The following ATG7 variants were observed in gnomAD, a reference collection of about 807,000 sequenced individuals.
ATG7 encodes ubiquitin-like modifier-activating enzyme ATG7.
ATG7 carries 70 observed loss-of-function variants against 82.4 expected under a neutral mutation model. The ratio of observed to expected loss-of-function variants is 0.85; its 90% CI spans 0.70 to 1.04. The LOEUF is 1.04. Among genes scored for constraint, ATG7 ranks in the 50% least tolerant of loss-of-function variants. The probability of loss-of-function intolerance (pLI) is 0.00; values close to 1 mark genes in which losing one functional copy is unlikely to be tolerated. For synonymous variants in ATG7, 287 were observed against 313.0 expected (o/e 0.92, Z 0.88); for missense variants, 792 against 864.3 (o/e 0.92, Z 1.05).
intron 3 of ATG7, among the ~76,000 whole-genome samples, chr3:11,289,232 A>C (rs1944560806): frequency 6.6e-6 from 1 of 152,274 alleles, no homozygotes; most frequent in East Asian, 1.9e-4. Flanking sequence ...CTTTTTCAGG[A>C]AGTAGGTAAT....
intron 19 of ATG7, among the ~76,000 whole-genome samples, chr3:11,398,496 G>A (rs900292878): frequency 6.6e-6 from 1 of 152,076 alleles, no homozygotes; most frequent in Non-Finnish European, 1.5e-5. Flanking sequence ...ATGACATAAT[G>A]GAAATTAAGA....
chr3:11,365,534 T>C (rs2076543437), intron 18 of ATG7, among the ~76,000 whole-genome samples: 1 of 152,166 alleles, frequency 6.6e-6, no homozygotes, highest in Non-Finnish European at 1.5e-5. Flanking sequence ...ATTCCATGTA[T>C]GTATCCTCTC....
At chr3:11,284,866 A>G (rs1472618946) in intron 3 of ATG7, among the ~76,000 whole-genome samples, 1 of 118,430 alleles carries the variant, frequency 8.4e-6, no homozygotes, top group Admixed American at 8.9e-5. Flanking sequence ...TTTTTTTTTG[A>G]GACGGAGTCT....
rs917676632 is a variant in ATG7 at position 11,557,102 on chromosome 3, G to C, written c.*2259G>C. On this transcript the variant is annotated 3_prime_UTR_variant, in exon 21 of 21. Transcript: ENST00000693202. ...TGCCATCGTCGTGAGCCTCTGGTGG[G>C]CCAGGTGGGACACAGCACACCCCAG... 2 of 152,530 alleles carry C rather than the reference G, an allele frequency of 1.3e-5. No homozygotes were observed. Among genetic ancestry groups the C allele is most frequent in the Non-Finnish European group, 2.9e-5 (2 of 68,068 alleles). The allele number at this position is 152,530 out of a possible 1,614,324, so 9.4% of individuals were successfully genotyped here.
chr3:11,419,579 A>G (rs1396176613), intron 19 of ATG7, among the ~76,000 whole-genome samples: 1 of 152,068 alleles, frequency 6.6e-6, no homozygotes, highest in Non-Finnish European at 1.5e-5. Flanking sequence ...AAAACACACT[A>G]CAAACCCATT....
chr3:11,365,274 A>AGAAAT (rs2076525839), intron 18 of ATG7, among the ~76,000 whole-genome samples: 1 of 152,196 alleles, frequency 6.6e-6, no homozygotes, highest in Non-Finnish European at 1.5e-5. Context: ...CTCTGAACCC[A>AGAAAT]AATAGAAAAC....
At chr3:11,509,337 C>T (rs2091923055) in intron 20 of ATG7, among the ~76,000 whole-genome samples, 1 of 151,942 alleles carries the variant, frequency 6.6e-6, no homozygotes, top group African/African-American at 2.4e-5. Flanking sequence ...CATGCATGCA[C>T]ATTTGTCTAC....
intron 20 of ATG7, among the ~76,000 whole-genome samples, chr3:11,428,569 T>C (rs187178505): frequency 3.9e-5 from 6 of 152,342 alleles, no homozygotes; most frequent in Admixed American, 2.6e-4. Flanking sequence ...TTTCAGGAGA[T>C]GAATGGCATC....
At chr3:11,435,884 A>G (rs1179483918) in intron 20 of ATG7, among the ~76,000 whole-genome samples, 4 of 152,186 alleles carry the variant, frequency 2.6e-5, no homozygotes, top group African/African-American at 9.7e-5. Context: ...GCCACAGTAT[A>G]AGAGAGAACA....
rs113893243 is a variant in ATG7 at position 11,537,257 on chromosome 3, C to T, written c.2080-17554C>T. Among the ~76,000 whole-genome samples the T allele has an allele frequency of 1.5e-3, 234 of 152,294 alleles. 2 individuals carry two copies. Among genetic ancestry groups the T allele is most frequent in the African/African-American group, 5.1e-3 (213 of 41,572 alleles). ...TGTTGGCTCCACTGAGAGGCCTTACCCCCAAGTCCCTTTCTAAAAGAACTG... is the reference window on the plus strand; with the variant it reads ...TGTTGGCTCCACTGAGAGGCCTTACTCCCAAGTCCCTTTCTAAAAGAACTG... On this transcript the variant is annotated intron_variant, in intron 20 of 20. Transcript: ENST00000693202.
At chr3:11,275,515 ATTT>A (rs34040398) in intron 1 of ATG7, among the ~76,000 whole-genome samples, 1 of 109,202 alleles carries the variant, frequency 9.2e-6, no homozygotes, top group Non-Finnish European at 1.8e-5. Flanking sequence ...TGCCCGGCTA[ATTT>A]TTTTTTTTTT....
intron 20 of ATG7, among the ~76,000 whole-genome samples, chr3:11,454,491 G>C (rs1012837794): frequency 4.6e-5 from 7 of 152,214 alleles, no homozygotes; most frequent in African/African-American, 1.7e-4. Flanking sequence ...TTTGAGTATG[G>C]AGACCACACA....
At chr3:11,410,358 A>G (rs966496330) in intron 19 of ATG7, among the ~76,000 whole-genome samples, 2 of 151,766 alleles carry the variant, frequency 1.3e-5, no homozygotes, top group Non-Finnish European at 2.9e-5. Flanking sequence ...ATTTGATAGT[A>G]TTTGAACATC....
intron 16 of ATG7, among the ~76,000 whole-genome samples, chr3:11,361,112 G>T (rs867475233): frequency 1.3e-5 from 2 of 152,048 alleles, no homozygotes; most frequent in African/African-American, 4.8e-5. Context: ...TACAAATCAG[G>T]AGTCTAAAGA....
rs1304396861 is a variant in ATG7, at chr3:11,395,953, AAAAAAAAAAAAAGGT to A, written c.1956+15903_1956+15917del. Among the ~76,000 whole-genome samples the A allele has an allele frequency of 2.3e-4, 29 of 126,536 alleles. 2 individuals are homozygous for A. Among genetic ancestry groups the A allele is most frequent in the Admixed American group, 3.5e-4 (4 of 11,516 alleles). The allele number at this position is 126,536 out of a possible 152,430, so 83.0% of individuals were successfully genotyped here. On this transcript the variant is annotated intron_variant, in intron 19 of 20. Transcript: ENST00000693202. ...AGACTCTGTCTCAAAAAAAAAAAAA[AAAAAAAAAAAAAGGT>A]AGGGGGGGAAGAGTAAAAGTGAAGG...
At chr3:11,449,407 C>T (rs1483232196) in intron 20 of ATG7, among the ~76,000 whole-genome samples, 2 of 152,114 alleles carry the variant, frequency 1.3e-5, no homozygotes, top group African/African-American at 4.8e-5. Context: ...AGATTTGGGG[C>T]CTGTAAGGCC....
At chr3:11,317,025 A>G (rs1288510043) in intron 9 of ATG7, among the ~76,000 whole-genome samples, 1 of 152,016 alleles carries the variant, frequency 6.6e-6, no homozygotes, top group African/African-American at 2.4e-5. Context: ...TATTTTTATT[A>G]GAGATGGGGT....
At chr3:11,511,195 G>A (rs938895275) in intron 20 of ATG7, among the ~76,000 whole-genome samples, 8 of 152,286 alleles carry the variant, frequency 5.3e-5, no homozygotes, top group Non-Finnish European at 8.8e-5. Flanking sequence ...TGCCAATGCT[G>A]GCTCAGGCAG....
At chr3:11,278,265 G>A (rs1358313425) in intron 1 of ATG7, among the ~76,000 whole-genome samples, 2 of 152,128 alleles carry the variant, frequency 1.3e-5, no homozygotes, top group African/African-American at 4.8e-5. Flanking sequence ...AATTATAAAA[G>A]TATTAATTTT....
Sources: allele counts gnomAD v4.1 joint callset (sites outside exome capture counted in the v4.1 genomes callset), GRCh38; gene constraint gnomAD v4.1.1; transcripts MANE v1.5; gene names NCBI Gene and HGNC (gene_info 2026-07-23, HGNC 2026-07-21).